The following ASB5 variants were observed in gnomAD, a reference collection of about 807,000 sequenced individuals.
ASB5 encodes ankyrin repeat and SOCS box containing 5.
A neutral mutation model predicts 42.1 loss-of-function variants in ASB5; 45 were observed. That is an observed-to-expected ratio of 1.07 (90% CI 0.84 to 1.37). The LOEUF (loss-of-function observed/expected upper bound fraction) is 1.37, where lower values mean the gene tolerates loss of function less well. ASB5 is among the 40% of genes most tolerant of loss of function. ASB5 has a pLI of 0.00. For missense variants in ASB5, 402 were observed against 399.8 expected (o/e 1.01, Z -0.05); for synonymous variants, 147 against 150.6 (o/e 0.98, Z 0.18).
At chr4:176,217,097 T>C in intron 5 of ASB5, 88 bp from the exon 6 acceptor site, 1 of 1,115,092 alleles carries the variant, frequency 9.0e-7, no homozygotes, top group Non-Finnish European at 1.3e-6. Context: ...GGAAAGGCAA[T>C]AGAGGAAGGT....
At chr4:176,254,949 G>A (rs914721346) in intron 1 of ASB5, among the ~76,000 whole-genome samples, 3 of 152,132 alleles carry the variant, frequency 2.0e-5, no homozygotes, top group Admixed American at 2.0e-4. Context: ...GACCAACATG[G>A]TGAAACCCCA....
Position 176,220,676 on chromosome 4 carries a change from T to C in ASB5, c.670+479A>G, listed in dbSNP as rs536947199. Among the ~76,000 whole-genome samples the C allele has an allele frequency of 7.2e-5, 11 of 152,172 alleles. No homozygotes were observed. The South Asian group carries it at 2.3e-3, about 32-fold the overall frequency. ...GTAAGTGGAAAAGGGCAGTAAGTCT[T>C]TTCAAGTAAGCAGGACAGAAAGTAC... On this transcript the variant is annotated intron_variant, in intron 5 of 6. Coordinates refer to ENST00000296525, the MANE Select transcript of ASB5 (RefSeq NM_080874.4).
chr4:176,277,427 G>C (rs983599781), exon 1 of ASB5: 2 of 152,130 alleles, frequency 1.3e-5, no homozygotes, highest in African/African-American at 4.8e-5. Context: ...GTCGGGACTT[G>C]CAGCAAGTAA....
In ASB5 at chr4:176,217,114, G is replaced by A. The variant is rs1055503486; in HGVS notation, c.671-105C>T. The A allele has an allele frequency of 4.4e-6, 4 of 899,172 alleles. No individual in the cohort carries two copies. The African/African-American group carries it at 6.7e-5, about 15-fold the overall frequency. The allele number at this position is 899,172 out of a possible 1,614,324, so 55.7% of individuals were successfully genotyped here. A position where few individuals can be genotyped will look rare whatever the true frequency, so the allele number is the denominator to read the frequency against. Reference sequence around the variant, plus strand: ...AAAGGCAATAGAGGAAGGTTATTAAGGGGACTTCAACTCTATTTGTTATGA... The same window carrying A: ...AAAGGCAATAGAGGAAGGTTATTAAAGGGACTTCAACTCTATTTGTTATGA... On this transcript the variant is annotated intron_variant, in intron 5 of 6. Transcript: ENST00000296525.
At chr4:176,267,853 C>T (rs10033669) in intron 1 of ASB5, among the ~76,000 whole-genome samples, 16,758 of 152,150 alleles carry the variant, frequency 0.11, 1,023 homozygotes, top group Non-Finnish European at 0.12. Flanking sequence ...TTTCCACCTT[C>T]ACTCAACTTT....
chr4:176,233,237 A>T (rs1268568027), intron 1 of ASB5, among the ~76,000 whole-genome samples: 2 of 152,240 alleles, frequency 1.3e-5, no homozygotes, highest in African/African-American at 4.8e-5. Flanking sequence ...TAAGATAAAG[A>T]TGCTTTATCT....
At chr4:176,230,757 AG>A (rs1753521438) in intron 1 of ASB5, among the ~76,000 whole-genome samples, 2 of 152,210 alleles carry the variant, frequency 1.3e-5, no homozygotes, top group Admixed American at 1.3e-4. Flanking sequence ...TATATCAGAG[AG>A]ATTTACGAGC....
chr4:176,252,084 GAAAAA>G (rs57692791), intron 1 of ASB5, among the ~76,000 whole-genome samples: 1 of 107,772 alleles, frequency 9.3e-6, no homozygotes, highest in East Asian at 2.6e-4. Flanking sequence ...AAAAAAAAAA[GAAAAA>G]AAAAAAAAGA....
At chr4:176,267,131 T>C (rs1475827361) in intron 1 of ASB5, among the ~76,000 whole-genome samples, 1 of 152,212 alleles carries the variant, frequency 6.6e-6, no homozygotes, top group Non-Finnish European at 1.5e-5. Flanking sequence ...GATCTGATTA[T>C]GAAGTAATGT....
chr4:176,229,417 T>G (rs1020803720), intron 1 of ASB5, among the ~76,000 whole-genome samples: 3 of 152,204 alleles, frequency 2.0e-5, no homozygotes, highest in African/African-American at 7.2e-5. Context: ...CAGCCAGCTC[T>G]TCTCCCTTGC....
intron 1 of ASB5, among the ~76,000 whole-genome samples, chr4:176,235,417 A>C (rs751741818): frequency 1.3e-5 from 2 of 152,170 alleles, no homozygotes; most frequent in South Asian, 2.1e-4. Context: ...ATCAAGATAC[A>C]ATCATAGTGT....
intron 1 of ASB5, among the ~76,000 whole-genome samples, chr4:176,258,128 A>G (rs1404460083): frequency 6.6e-6 from 1 of 152,242 alleles, no homozygotes; most frequent in African/African-American, 2.4e-5. Context: ...TTAAAAAAGT[A>G]TGATATAGAA....
intron 1 of ASB5, among the ~76,000 whole-genome samples, chr4:176,247,292 T>A (rs1008912554): frequency 6.6e-6 from 1 of 152,184 alleles, no homozygotes; most frequent in Non-Finnish European, 1.5e-5. Context: ...ATAGGTTCAA[T>A]GAATTCCAAC....
rs533116947 is a variant in ASB5 at position 176,222,158 on chromosome 4, G to T, written c.384+155C>A. Among the ~76,000 whole-genome samples, 21 of 152,270 alleles carry T rather than the reference G, an allele frequency of 1.4e-4. No homozygotes were observed. The South Asian group carries it at 4.1e-3, about 30-fold the overall frequency. ...GCAATGATTGGAAATCCTTTTTAGA[G>T]TGCAATAAGAAGACTAAGGAATTCA... On this transcript the variant is annotated intron_variant, in intron 3 of 6. Transcript: ENST00000296525.
In ASB5 at chr4:176,222,403, T is replaced by G; in HGVS notation, c.294A>C (p.Ala98=). 6.2e-7 allele frequency: 1 copy of G among 1,613,090 alleles called. No individual in the cohort carries two copies. Among genetic ancestry groups the G allele is most frequent in the African/African-American group, 1.3e-5 (1 of 75,006 alleles). ...TLLSQGYNVN[A]VTLDHVTPLH... is the part of the protein sequence containing the mutation. ...ATGGGGTGACATGGTCTAAGGTTAC[T>G]GCATTTACATTATAACCCTAAATGT... The change falls in exon 3 of 7, where the codon GCA becomes GCC. Residue 98 remains alanine, a synonymous_variant. Transcript: ENST00000296525.
chr4:176,217,029 A>C lies in ASB5; in HGVS notation c.671-20T>G, dbSNP rs1355640197. 1.9e-6 allele frequency: 3 copies of C among 1,551,610 alleles called. No homozygotes were observed. Among genetic ancestry groups the C allele is most frequent in the Non-Finnish European group, 1.7e-6 (2 of 1,148,178 alleles). On this transcript the variant is annotated intron_variant, in intron 5 of 6. Transcript: ENST00000296525. ...CAGCACCTACATGTAATACGGAGTG[A>C]AGATAAATATAAATAAAAGTTGTTA...
chr4:176,215,596 T>A lies in ASB5; in HGVS notation c.*4A>T. On this transcript the variant is annotated 3_prime_UTR_variant, in exon 7 of 7. Transcript: ENST00000296525. ...TTCAAGGTATTTAGAATTACTTTAC[T>A]GTTTTATCGATACTGTAAGAAATTC... 1 of 1,608,720 alleles carries A rather than the reference T, an allele frequency of 6.2e-7. No homozygotes were observed. The highest frequency in any genetic ancestry group is 1.7e-4 in the Middle Eastern group (1 of 6,038).
chr4:176,214,740 G>T lies in ASB5; in HGVS notation c.*860C>A, dbSNP rs1323881071. ...GATGATCCCCGGAATATGATCCAGG[G>T]CCTGTTTGTTAATTAGATATATAGT... On this transcript the variant is annotated 3_prime_UTR_variant, in exon 7 of 7. Transcript: ENST00000296525. 1 of 151,928 alleles carries T rather than the reference G, an allele frequency of 6.6e-6. No individual in the cohort carries two copies. Among genetic ancestry groups the T allele is most frequent in the Non-Finnish European group, 1.5e-5 (1 of 67,982 alleles). 9.4% of individuals were successfully genotyped at this position (151,928 alleles called of 1,614,324 possible).
chr4:176,221,713 G>A (rs1324433941), intron 3 of ASB5, 113 bp from the exon 4 acceptor site: 2 of 1,030,222 alleles, frequency 1.9e-6, no homozygotes, highest in Non-Finnish European at 2.7e-6. Flanking sequence ...AGGAAAATGT[G>A]CACATTAAAT....
Sources: allele counts gnomAD v4.1 joint callset (sites outside exome capture counted in the v4.1 genomes callset), GRCh38; gene constraint gnomAD v4.1.1; transcripts MANE v1.5; gene names NCBI Gene and HGNC (gene_info 2026-07-23, HGNC 2026-07-21).